The following WDFY3 variants were observed in gnomAD, a reference collection of about 807,000 sequenced individuals.
WDFY3 encodes the protein WD repeat and FYVE domain containing 3, also known as WD repeat and FYVE domain-containing protein 3.
WDFY3 carries 66 observed loss-of-function variants against 409.6 expected under a neutral mutation model. The observed-to-expected ratio is 0.16, with a 90% CI of 0.13 to 0.20. The LOEUF (loss-of-function observed/expected upper bound fraction) is 0.20. Ranked by LOEUF, WDFY3 falls within the 10% of genes least tolerant of loss-of-function variation. The pLI is 1.00. For synonymous variants in WDFY3, 1,521 were observed against 1,537.1 expected (o/e 0.99, Z 0.25); for missense variants, 3,031 against 4,298.1 (o/e 0.71, Z 8.24).
Position 84,808,325 on chromosome 4 carries a change from G to C in WDFY3, c.2429+9C>G. ...AAATAGAGACTGACTTCTCTTATAT[G>C]ATCAGTACCTTTTCCTGGACAAAGC... On this transcript the variant is annotated intron_variant, in intron 15 of 67. Transcript: ENST00000295888. 1 of 1,610,746 alleles carries C rather than the reference G, an allele frequency of 6.2e-7. No individual in the cohort carries two copies. Among genetic ancestry groups the C allele is most frequent in the South Asian group, 1.1e-5 (1 of 90,930 alleles).
chr4:84,927,344 C>T (rs72965167), intron 2 of WDFY3, among the ~76,000 whole-genome samples: 10,115 of 152,026 alleles, frequency 0.067, 1,159 homozygotes, highest in African/African-American at 0.23. Context: ...CACACACACA[C>T]CTTATAGATT....
chr4:84,775,714 G>C (rs577773617), intron 27 of WDFY3, among the ~76,000 whole-genome samples: 1 of 151,584 alleles, frequency 6.6e-6, no homozygotes, highest in African/African-American at 2.4e-5. Context: ...AGAAATAATG[G>C]CTAAAAAATT....
chr4:84,844,604 C>T, intron 5 of WDFY3: 1 of 1,045,828 alleles, frequency 9.6e-7, no homozygotes, highest in Non-Finnish European at 1.3e-6. Flanking sequence ...CATCCAGTCT[C>T]TCCATTGCTG....
intron 1 of WDFY3, among the ~76,000 whole-genome samples, chr4:84,936,730 T>C (rs1440529113): frequency 6.6e-6 from 1 of 151,826 alleles, no homozygotes; most frequent in African/African-American, 2.4e-5. Flanking sequence ...TCTGATGAAA[T>C]GCATCATACA....
chr4:84,882,122 C>T (rs537972866), intron 3 of WDFY3, among the ~76,000 whole-genome samples: 5 of 152,184 alleles, frequency 3.3e-5, no homozygotes, highest in East Asian at 1.9e-4. Flanking sequence ...ATCTCATATC[C>T]GCTCATCCCA....
intron 25 of WDFY3, among the ~76,000 whole-genome samples, chr4:84,780,833 T>C (rs1268712910): frequency 1.3e-5 from 2 of 152,024 alleles, no homozygotes; most frequent in Non-Finnish European, 2.9e-5. Context: ...CTAATCTACA[T>C]ACTCTTAGAG....
At chr4:84,832,587 A>C (rs1191677347) in intron 7 of WDFY3, among the ~76,000 whole-genome samples, 2 of 152,228 alleles carry the variant, frequency 1.3e-5, no homozygotes, top group Non-Finnish European at 2.9e-5. Context: ...CACAAAAATT[A>C]TTACACTGTG....
At chr4:84,739,596 C>A (rs535908769) in intron 39 of WDFY3, among the ~76,000 whole-genome samples, 2 of 152,206 alleles carry the variant, frequency 1.3e-5, no homozygotes, top group South Asian at 4.1e-4. Context: ...CCTCCCCAAC[C>A]AGGTCTCAAG....
At chr4:84,936,305 G>C (rs1275927824) in intron 1 of WDFY3, among the ~76,000 whole-genome samples, 1 of 152,098 alleles carries the variant, frequency 6.6e-6, no homozygotes, top group Non-Finnish European at 1.5e-5. Flanking sequence ...ACTATCACTT[G>C]AGAACAGCAG....
intron 30 of WDFY3, 32 bp from the exon 31 acceptor site, chr4:84,766,404 T>C (rs202004075): frequency 4.8e-5 from 75 of 1,549,044 alleles, no homozygotes; most frequent in Non-Finnish European, 6.1e-5. Context: ...TAAATCTCCC[T>C]AGTAGATAAG....
intron 15 of WDFY3, among the ~76,000 whole-genome samples, chr4:84,804,982 A>G (rs1751270297): frequency 6.6e-6 from 1 of 152,208 alleles, no homozygotes. Context: ...GAAATCTGAA[A>G]TGCTCCAAAA....
chr4:84,883,604 A>G (rs942272024), intron 3 of WDFY3, among the ~76,000 whole-genome samples: 2 of 152,178 alleles, frequency 1.3e-5, no homozygotes, highest in African/African-American at 4.8e-5. Context: ...GAGCAATCTA[A>G]AAGAGTAATG....
In WDFY3 at chr4:84,932,258, C is replaced by T. The variant is rs1770860049; in HGVS notation, c.-132+12G>A. On this transcript the variant is annotated intron_variant, in intron 2 of 67. Transcript: ENST00000295888. ...GCTCCTTTTTCAACAAAAAAAAAAT[C>T]CTAAAACTGACCTGATTCTCTGTTC... is the stretch of plus-strand genomic sequence containing the variant. 6.6e-6 allele frequency: 1 copy of T among 152,084 alleles called. No individual in the cohort carries two copies. The highest frequency in any genetic ancestry group is 2.4e-5 in the African/African-American group (1 of 41,400). The allele number at this position is 152,084 out of a possible 1,614,324, so 9.4% of individuals were successfully genotyped here.
At chr4:84,805,299 C>T (rs1230414374) in intron 15 of WDFY3, among the ~76,000 whole-genome samples, 1 of 151,954 alleles carries the variant, frequency 6.6e-6, no homozygotes, top group Non-Finnish European at 1.5e-5. Flanking sequence ...AAATACTCAA[C>T]CTGTATATAA....
chr4:84,863,660 T>G (rs1243586191), intron 3 of WDFY3, among the ~76,000 whole-genome samples: 1 of 152,194 alleles, frequency 6.6e-6, no homozygotes, highest in Non-Finnish European at 1.5e-5. Flanking sequence ...TTTTACCTAG[T>G]AGCTTTTGGT....
chr4:84,742,574 G>A (rs1055564238), intron 37 of WDFY3, among the ~76,000 whole-genome samples: 1 of 152,062 alleles, frequency 6.6e-6, no homozygotes, highest in Non-Finnish European at 1.5e-5. Context: ...GCCATGGAAC[G>A]GACCACACAG....
At position 84,780,297 on chromosome 4, in the gene WDFY3, T is replaced by C. The variant is rs1257989394; in HGVS notation, c.4176A>G (p.Gly1392=). 6.2e-7 allele frequency: 1 copy of C among 1,604,878 alleles called. No individual in the cohort carries two copies. Among genetic ancestry groups the C allele is most frequent in the Non-Finnish European group, 8.5e-7 (1 of 1,176,082 alleles). Residue 1392 remains glycine (G), a splice_region_variant and synonymous_variant, in exon 26 of 68, where the codon GGA becomes GGG. Coordinates refer to ENST00000295888, the MANE Select transcript of WDFY3 (RefSeq NM_014991.6). ...TIGAALIGYL[G]VRTFVPKPVA... ...CAGGCTTAGGGACAAATGTTCTTAC[T>C]CCTGATTAAAAGATAGTGAAAAATA...
At chr4:84,872,805 C>T (rs1358944900) in intron 3 of WDFY3, among the ~76,000 whole-genome samples, 1 of 152,020 alleles carries the variant, frequency 6.6e-6, no homozygotes, top group Non-Finnish European at 1.5e-5. Flanking sequence ...ACCATGCTAA[C>T]TCTAATCAAA....
chr4:84,821,392 G>A lies in WDFY3; in HGVS notation c.1283C>T (p.Ser428Leu). The part of the protein sequence containing the change: ...YFILESQHTL[S>L]QFAEKISKLP... ...TTTAGAAATCTTCTCTGCAAACTGTGACAATGTGTGCTGTGACTCTAGGAT... is the reference window on the plus strand; with the variant it reads ...TTTAGAAATCTTCTCTGCAAACTGTAACAATGTGTGCTGTGACTCTAGGAT... The change falls in exon 11 of 68, where the codon TCA becomes TTA. Residue 428 changes from serine (S) to leucine (L), a missense_variant. By Grantham distance (145) the Ser-to-Leu change is moderately radical (BLOSUM62 -2). Transcript: ENST00000295888. 1 of 1,613,840 alleles carries A rather than the reference G, an allele frequency of 6.2e-7. No individual in the cohort carries two copies. Among genetic ancestry groups the A allele is most frequent in the Non-Finnish European group, 8.5e-7 (1 of 1,179,868 alleles).
Sources: gnomAD v4.1 joint callset for allele counts (sites outside exome capture counted in the v4.1 genomes callset) on GRCh38, gnomAD v4.1.1 for gene constraint, MANE v1.5 for transcripts, NCBI Gene and HGNC (gene_info 2026-07-23, HGNC 2026-07-21) for gene names.